The following CHN2 variants were observed in gnomAD, a reference collection of about 807,000 sequenced individuals.
The protein encoded by CHN2 is beta-chimaerin.
In CHN2, 35 loss-of-function variants were observed where a neutral mutation model predicts 56.3. That is an observed-to-expected ratio of 0.62 (90% CI 0.47 to 0.82). The LOEUF (loss-of-function observed/expected upper bound fraction) is 0.82, where lower values mean the gene tolerates loss of function less well. Ranked by LOEUF, CHN2 falls within the 40% of genes least tolerant of loss-of-function variation. The pLI is 0.00. For synonymous variants in CHN2, 210 were observed against 212.8 expected, an observed-to-expected ratio of 0.99 and a Z score of 0.12; for missense variants, 491 against 580.5, an observed-to-expected ratio of 0.85 and a Z score of 1.58.
At chr7:29,401,344 A>T (rs1449368107) in intron 6 of CHN2, 1 of 154,064 alleles carries the variant, frequency 6.5e-6, no homozygotes, top group Non-Finnish European at 1.4e-5. Flanking sequence ...ATTTGTTCAA[A>T]TTCATACAGT....
At chr7:29,365,990 A>T (rs1799127941) in intron 2 of CHN2, among the ~76,000 whole-genome samples, 1 of 152,216 alleles carries the variant, frequency 6.6e-6, no homozygotes. Context: ...TGAACTGACC[A>T]TCTGAGGTGT....
intron 1 of CHN2, among the ~76,000 whole-genome samples, chr7:29,308,198 C>G (rs1457257859): frequency 6.6e-6 from 1 of 152,174 alleles, no homozygotes; most frequent in Non-Finnish European, 1.5e-5. Flanking sequence ...TTACGCTGCA[C>G]TCTCTCAGCT....
intron 1 of CHN2, among the ~76,000 whole-genome samples, chr7:29,255,350 G>A (rs1457090424): frequency 6.6e-6 from 1 of 152,182 alleles, no homozygotes; most frequent in Non-Finnish European, 1.5e-5. Flanking sequence ...GGCTCCTGTG[G>A]CCTGGCCCAT....
At chr7:29,284,690 C>G (rs1792011479) in intron 1 of CHN2, among the ~76,000 whole-genome samples, 1 of 152,196 alleles carries the variant, frequency 6.6e-6, no homozygotes, top group South Asian at 2.1e-4. Context: ...CTAGCTGACT[C>G]CATGATTTCA....
At position 29,372,608 on chromosome 7, in the gene CHN2, GA is replaced by G. The variant is rs1012365638; in HGVS notation, c.144+4629del. ...ATAAATCAGTAAGTTTCAAAATGAT[GA>G]AAAAAAAGGATAGCGATTGCTAGCA... On this transcript the variant is annotated intron_variant, in intron 3 of 12. Transcript: ENST00000222792. 2.0e-5 allele frequency among the ~76,000 whole-genome samples: 3 copies of G among 151,542 alleles called. No individual in the cohort carries two copies. The East Asian group carries it at 5.8e-4, about 29-fold the overall frequency.
chr7:29,394,349 G>A (rs188246483), intron 4 of CHN2, among the ~76,000 whole-genome samples: 9 of 152,362 alleles, frequency 5.9e-5, no homozygotes, highest in African/African-American at 1.7e-4. Flanking sequence ...ACAGAGGGCA[G>A]GCAGAACGGG....
intron 8 of CHN2, among the ~76,000 whole-genome samples, chr7:29,497,502 T>A (rs563528924): frequency 1.3e-5 from 2 of 151,956 alleles, no homozygotes; most frequent in Admixed American, 6.6e-5. Context: ...TTTTTTTTTT[T>A]AAATAAGACA....
In CHN2 at chr7:29,378,419, G is replaced by A. The variant is rs141260466; in HGVS notation, c.144+10432G>A. On this transcript the variant is annotated intron_variant, in intron 3 of 12. Transcript: ENST00000222792. ...TCCTGAAACTGGTTTTTGGAGAATG[G>A]ACTCTCATGCTTTTTCGTCTAGCAT... Among the ~76,000 whole-genome samples, 754 of 152,312 alleles carry A rather than the reference G, an allele frequency of 5.0e-3. 4 individuals carry two copies. Among genetic ancestry groups the A allele is most frequent in the African/African-American group, 0.017 (695 of 41,564 alleles).
In CHN2 at chr7:29,278,667, T is replaced by G. The variant is rs558760961; in HGVS notation, c.50-75958T>G. ...CGACCTTGCTGCAGGCTCCACAGGGTTGGCCCAGTTTCTGTGACTGAACTT... is the reference window on the plus strand; with the variant it reads ...CGACCTTGCTGCAGGCTCCACAGGGGTGGCCCAGTTTCTGTGACTGAACTT... On this transcript the variant is annotated intron_variant, in intron 1 of 12. Transcript: ENST00000222792. Among the ~76,000 whole-genome samples, 14 of 152,254 alleles carry G rather than the reference T, an allele frequency of 9.2e-5. No homozygotes were observed. In the East Asian group the frequency reaches 2.7e-3, roughly 29 times the overall value.
At chr7:29,350,441 C>T (rs1197759166) in intron 1 of CHN2, among the ~76,000 whole-genome samples, 3 of 152,106 alleles carry the variant, frequency 2.0e-5, no homozygotes, top group South Asian at 2.1e-4. Context: ...TGTGCTCTGA[C>T]GCTTGACCAA....
chr7:29,507,494 AACAAT>A, intron 11 of CHN2, 129 bp downstream of exon 11: 1 of 701,490 alleles, frequency 1.4e-6, no homozygotes, highest in Non-Finnish European at 2.3e-6. Context: ...GTGAGGGCAC[AACAAT>A]AAATAGCTGA....
chr7:29,474,417 T>C (rs1027306294), intron 6 of CHN2, among the ~76,000 whole-genome samples: 1 of 152,242 alleles, frequency 6.6e-6, no homozygotes, highest in Non-Finnish European at 1.5e-5. Context: ...AATAGAATAA[T>C]TGGATCAATG....
At chr7:29,407,771 T>A (rs993179275) in intron 6 of CHN2, among the ~76,000 whole-genome samples, 3 of 152,216 alleles carry the variant, frequency 2.0e-5, no homozygotes, top group Non-Finnish European at 4.4e-5. Flanking sequence ...TTGCCAAGCA[T>A]TGTTTTAAAC....
chr7:29,372,677 G>A (rs1585188952), intron 3 of CHN2, among the ~76,000 whole-genome samples: 1 of 152,230 alleles, frequency 6.6e-6, no homozygotes, highest in Non-Finnish European at 1.5e-5. Flanking sequence ...TAGCATATCA[G>A]ATTTACTCAA....
At chr7:29,211,140 G>A (rs1367995307) in intron 1 of CHN2, among the ~76,000 whole-genome samples, 4 of 151,706 alleles carry the variant, frequency 2.6e-5, no homozygotes, top group African/African-American at 4.8e-5. Context: ...GCGCGATCTC[G>A]GCTCACTGCA....
In CHN2 at chr7:29,383,904, T is replaced by A. The variant is rs539999213; in HGVS notation, c.145-9775T>A. Among the ~76,000 whole-genome samples the A allele has an allele frequency of 2.3e-4, 35 of 152,316 alleles. 1 individual carries two copies. In the South Asian group the frequency reaches 7.0e-3, roughly 31 times the overall value. ...GATATAGGGAGACCAGTAAAGAGAC[T>A]ACTTTCGTAGTCTAGATGAGTAGAT... On this transcript the variant is annotated intron_variant, in intron 3 of 12. Coordinates refer to ENST00000222792, the MANE Select transcript of CHN2 (RefSeq NM_004067.4).
intron 6 of CHN2, among the ~76,000 whole-genome samples, chr7:29,413,454 T>A (rs1267751074): frequency 6.6e-6 from 1 of 152,230 alleles, no homozygotes; most frequent in Non-Finnish European, 1.5e-5. Context: ...ATTCATGATA[T>A]AAGGGACTTT....
chr7:29,309,824 C>G (rs1472814485), intron 1 of CHN2, among the ~76,000 whole-genome samples: 1 of 152,212 alleles, frequency 6.6e-6, no homozygotes, highest in Non-Finnish European at 1.5e-5. Flanking sequence ...TGCCTCATCT[C>G]CTGCAGGTGA....
At chr7:29,169,583 GA>G (rs1796335427) in intron 2 of CHN2, among the ~76,000 whole-genome samples, 1 of 152,122 alleles carries the variant, frequency 6.6e-6, no homozygotes, top group South Asian at 2.1e-4. Flanking sequence ...AAGAGTAACT[GA>G]AAAGACCAAA....
Sources: allele counts gnomAD v4.1 joint callset (sites outside exome capture counted in the v4.1 genomes callset), GRCh38; gene constraint gnomAD v4.1.1; transcripts MANE v1.5; gene names NCBI Gene and HGNC (gene_info 2026-07-23, HGNC 2026-07-21).